The following NAAA variants were observed in gnomAD, a reference collection of about 807,000 sequenced individuals.
The protein encoded by NAAA is N-acylethanolamine acid amidase, also known as N-acylethanolamine-hydrolyzing acid amidase.
A neutral mutation model predicts 44.8 loss-of-function variants in NAAA; 39 were observed. The ratio of observed to expected loss-of-function variants is 0.87; its 90% CI spans 0.67 to 1.14. NAAA has a LOEUF of 1.14. Among genes scored for constraint, NAAA ranks in the 50% most tolerant of loss-of-function variants. NAAA has a pLI of 0.00. For synonymous variants in NAAA, 178 were observed against 191.3 expected, an observed-to-expected ratio of 0.93 and a Z score of 0.58; for missense variants, 460 against 467.8, an observed-to-expected ratio of 0.98 and a Z score of 0.15.
chr4:75,917,240 A>G (rs1372554310), intron 9 of NAAA: 1 of 241,682 alleles, frequency 4.1e-6, no homozygotes, highest in South Asian at 1.5e-4. Context: ...CAGTCTGGTG[A>G]GGGCCAATTA....
intron 3 of NAAA, 83 bp from the exon 4 acceptor site, chr4:75,931,387 GA>G (rs1727219371): frequency 9.6e-6 from 10 of 1,046,586 alleles, no homozygotes; most frequent in Non-Finnish European, 1.4e-5. Context: ...CAATTTTCTG[GA>G]TTTTTTTTCT....
chr4:75,931,120 T>A, intron 4 of NAAA, 94 bp downstream of exon 4: 1 of 912,510 alleles, frequency 1.1e-6, no homozygotes, highest in Non-Finnish European at 1.7e-6. Context: ...ACATAGTGGG[T>A]GTTCTGTATA....
At chr4:75,939,858 A>G in intron 2 of NAAA, 143 bp downstream of exon 2, 2 of 862,022 alleles carry the variant, frequency 2.3e-6, no homozygotes, top group South Asian at 1.7e-5. Flanking sequence ...TTACCCAGAG[A>G]GGCAAAGAGG....
rs1307811897 is a variant in NAAA, at chr4:75,931,306, T to G, written c.499-2A>C. On this transcript the variant is annotated splice_acceptor_variant, in intron 3 of 10. Coordinates refer to ENST00000286733, the MANE Select transcript of NAAA (RefSeq NM_014435.4). LOFTEE classifies it high-confidence loss of function. ...AAAAGTAGTTCCTGTGAATGCAATCTGAAATCAAGAGATAACATGGATCAT... is the reference window on the plus strand; with the variant it reads ...AAAAGTAGTTCCTGTGAATGCAATCGGAAATCAAGAGATAACATGGATCAT... 1 of 1,604,144 alleles carries G rather than the reference T, an allele frequency of 6.2e-7. No individual in the cohort carries two copies. The highest frequency in any genetic ancestry group is 1.1e-5 in the South Asian group (1 of 90,694).
At chr4:75,916,938 C>G (rs186653473) in intron 9 of NAAA, 13,175 of 168,330 alleles carry the variant, frequency 0.078, 904 homozygotes, top group African/African-American at 0.19. Flanking sequence ...CACCATGACG[C>G]CTGGCTAATT....
chr4:75,927,638 C>A (rs974659394), intron 4 of NAAA, among the ~76,000 whole-genome samples: 3 of 75,266 alleles, frequency 4.0e-5, no homozygotes, highest in Admixed American at 3.1e-4. Flanking sequence ...TTAATGCCCC[C>A]CCCCCCCCCG....
intron 5 of NAAA, among the ~76,000 whole-genome samples, chr4:75,923,616 T>C (rs1297321939): frequency 6.7e-6 from 1 of 150,072 alleles, no homozygotes; most frequent in East Asian, 2.0e-4. Context: ...CTCGGCTCAC[T>C]GCAACCTCTG....
chr4:75,938,294 G>C (rs886896487), intron 2 of NAAA, among the ~76,000 whole-genome samples: 1 of 152,156 alleles, frequency 6.6e-6, no homozygotes, highest in African/African-American at 2.4e-5. Context: ...AAATACCTTA[G>C]TATCAAATCC....
chr4:75,939,354 G>A (rs1728012919), intron 2 of NAAA, among the ~76,000 whole-genome samples: 1 of 152,102 alleles, frequency 6.6e-6, no homozygotes, highest in Non-Finnish European at 1.5e-5. Flanking sequence ...TTAACTAAAG[G>A]GTCCAGATGA....
At chr4:75,928,924 A>T (rs1726983426) in intron 4 of NAAA, among the ~76,000 whole-genome samples, 1 of 150,104 alleles carries the variant, frequency 6.7e-6, no homozygotes, top group South Asian at 2.1e-4. Flanking sequence ...CCTAGCTGGG[A>T]CTACAGGCAC....
At chr4:75,915,022 T>C in intron 9 of NAAA, 37 bp from the exon 10 acceptor site, 1 of 1,442,104 alleles carries the variant, frequency 6.9e-7, no homozygotes, top group Non-Finnish European at 9.8e-7. Flanking sequence ...ACACATCATT[T>C]TCTCTAATAT....
In NAAA at chr4:75,918,905, A is replaced by G. The variant is rs554849965; in HGVS notation, c.970-116T>C. 2.7e-4 allele frequency: 256 copies of G among 939,292 alleles called. No homozygotes were observed. In the African/African-American group the frequency reaches 3.4e-3, roughly 12 times the overall value. 58.2% of individuals were successfully genotyped at this position (939,292 alleles called of 1,614,324 possible). A position where few individuals can be genotyped will look rare whatever the true frequency, so the allele number is the denominator to read the frequency against. On this transcript the variant is annotated intron_variant, in intron 8 of 10. Transcript: ENST00000286733. ...GGCCTGTAATCCCAGCACTTTGGGA[A>G]GCCGACGTGGGAGGATTACTCAAGC... is the stretch of plus-strand genomic sequence containing the variant.
downstream of NAAA, among the ~76,000 whole-genome samples, chr4:75,912,879 G>A (rs1457920187): frequency 3.3e-5 from 5 of 152,134 alleles, no homozygotes; most frequent in South Asian, 4.1e-4. Context: ...TTTTAAAAGG[G>A]CATTGGATGA....
chr4:75,936,630 G>A (rs1727743536), intron 2 of NAAA, among the ~76,000 whole-genome samples: 1 of 152,188 alleles, frequency 6.6e-6, no homozygotes, highest in South Asian at 2.1e-4. Context: ...GCCAGCTCAA[G>A]CTCACCTCTC....
chr4:75,928,561 A>C (rs932774665), intron 4 of NAAA, among the ~76,000 whole-genome samples: 5 of 152,072 alleles, frequency 3.3e-5, no homozygotes, highest in Non-Finnish European at 7.3e-5. Context: ...GGGAAAAGAA[A>C]AAAGCAAGAG....
chr4:75,927,299 G>A (rs906397907), intron 4 of NAAA, among the ~76,000 whole-genome samples: 1 of 148,452 alleles, frequency 6.7e-6, no homozygotes, highest in Non-Finnish European at 1.5e-5. Context: ...ACAAAAGTTA[G>A]CCAGGCATGA....
intron 3 of NAAA, chr4:75,935,142 G>A (rs1036232446): frequency 6.6e-6 from 1 of 152,106 alleles, no homozygotes; most frequent in African/African-American, 2.4e-5. Context: ...TAGTGGCAAA[G>A]TAAAGAAATG....
chr4:75,919,841 T>G (rs76553712), intron 8 of NAAA, 68 bp downstream of exon 8: 2 of 1,418,226 alleles, frequency 1.4e-6, no homozygotes, highest in Non-Finnish European at 9.9e-7. Flanking sequence ...TTTCACGGAG[T>G]TTTTCATATT....
At chr4:75,916,151 C>A (rs1423937904) in intron 9 of NAAA, among the ~76,000 whole-genome samples, 1 of 152,206 alleles carries the variant, frequency 6.6e-6, no homozygotes, top group Non-Finnish European at 1.5e-5. Context: ...AGATGTATTG[C>A]AGGTGGGTGT....
Sources: allele counts gnomAD v4.1 joint callset (sites outside exome capture counted in the v4.1 genomes callset), GRCh38; gene constraint gnomAD v4.1.1; transcripts MANE v1.5; gene names NCBI Gene and HGNC (gene_info 2026-07-23, HGNC 2026-07-21).